The following NREP variants were observed in gnomAD, a reference collection of about 807,000 sequenced individuals.
The protein encoded by NREP is neuronal regeneration related protein.
In NREP, 5 loss-of-function variants were observed where a neutral mutation model predicts 8.6. The ratio of observed to expected loss-of-function variants is 0.58; its 90% CI spans 0.30 to 1.22. NREP has a LOEUF of 1.22. NREP is among the 50% of genes most tolerant of loss of function. The pLI is 0.07. For synonymous variants in NREP, 27 were observed against 28.0 expected (o/e 0.96, Z 0.11); for missense variants, 86 against 82.5 (o/e 1.04, Z -0.17).
intron 2 of NREP, among the ~76,000 whole-genome samples, chr5:111,804,282 G>C (rs944973044): frequency 1.3e-5 from 2 of 152,182 alleles, no homozygotes; most frequent in Admixed American, 6.5e-5. Context: ...TGGAGGAATA[G>C]ATAGACTTTT....
At chr5:111,880,062 G>A (rs1175541855) in intron 2 of NREP, among the ~76,000 whole-genome samples, 1 of 152,154 alleles carries the variant, frequency 6.6e-6, no homozygotes. Context: ...AGAGGAATCT[G>A]AGCAAATTGG....
intron 2 of NREP, among the ~76,000 whole-genome samples, chr5:111,820,147 C>A (rs1487877896): frequency 6.6e-6 from 1 of 152,016 alleles, no homozygotes; most frequent in Non-Finnish European, 1.5e-5. Context: ...ATCTGATCAC[C>A]CTGACCGTCA....
upstream of NREP, among the ~76,000 whole-genome samples, chr5:111,759,769 C>A (rs890864976): frequency 6.6e-6 from 1 of 152,176 alleles, no homozygotes; most frequent in African/African-American, 2.4e-5. Context: ...CTCACTCAAA[C>A]TGTAGCTATA....
intron 2 of NREP, among the ~76,000 whole-genome samples, chr5:111,972,815 C>A (rs1480818198): frequency 6.6e-6 from 1 of 152,248 alleles, no homozygotes; most frequent in Non-Finnish European, 1.5e-5. Context: ...GTCAGATGCT[C>A]ATTGTGTGCC....
intron 2 of NREP, among the ~76,000 whole-genome samples, chr5:111,825,725 G>C (rs1752607127): frequency 6.6e-6 from 1 of 152,108 alleles, no homozygotes; most frequent in African/African-American, 2.4e-5. Context: ...TTAGCCCTGA[G>C]CATGCTTAGG....
chr5:111,939,290 G>C (rs1308791681), intron 2 of NREP, among the ~76,000 whole-genome samples: 1 of 152,030 alleles, frequency 6.6e-6, no homozygotes, highest in African/African-American at 2.4e-5. Flanking sequence ...CAGAGATTCT[G>C]ATCCTGTCTC....
intron 2 of NREP, among the ~76,000 whole-genome samples, chr5:111,959,092 G>A (rs1258342293): frequency 1.3e-5 from 2 of 151,868 alleles, no homozygotes; most frequent in Non-Finnish European, 2.9e-5. Flanking sequence ...AATCAAAACT[G>A]CAAACCTATT....
chr5:111,743,595 T>C (rs1749818285), intron 2 of NREP, among the ~76,000 whole-genome samples: 1 of 152,166 alleles, frequency 6.6e-6, no homozygotes, highest in Non-Finnish European at 1.5e-5. Flanking sequence ...ATACTAATTC[T>C]ATATTATGCC....
intron 2 of NREP, among the ~76,000 whole-genome samples, chr5:111,917,832 C>G (rs1014946535): frequency 2.0e-5 from 3 of 152,122 alleles, no homozygotes; most frequent in Admixed American, 2.0e-4. Flanking sequence ...CACTCCTATT[C>G]AACATTGTAT....
At chr5:111,791,297 C>G (rs1751740322) in intron 2 of NREP, among the ~76,000 whole-genome samples, 1 of 152,118 alleles carries the variant, frequency 6.6e-6, no homozygotes, top group Non-Finnish European at 1.5e-5. Flanking sequence ...CCACATTGTA[C>G]AAGAGATTCC....
intron 2 of NREP, among the ~76,000 whole-genome samples, chr5:111,970,116 A>T (rs1462417159): frequency 1.3e-5 from 2 of 152,224 alleles, no homozygotes; most frequent in African/African-American, 4.8e-5. Context: ...TGTGTACAAC[A>T]TGGATTTGCT....
intron 2 of NREP, among the ~76,000 whole-genome samples, chr5:111,842,405 T>C (rs1487207989): frequency 6.6e-6 from 1 of 152,150 alleles, no homozygotes; most frequent in Non-Finnish European, 1.5e-5. Context: ...GGGATTTATA[T>C]AAATATTTTA....
In NREP at chr5:111,730,148, CA is replaced by C. The variant is rs1280584393; in HGVS notation, c.*772del. ...TGACTGCATGTCCGTGAGCGCCAGCCAACGAGACAATGGTCTCTCACACTCT... is the reference window on the plus strand; with the variant it reads ...TGACTGCATGTCCGTGAGCGCCAGCCACGAGACAATGGTCTCTCACACTCT... On this transcript the variant is annotated 3_prime_UTR_variant, in exon 4 of 4. Transcript: ENST00000257435. The C allele has an allele frequency of 6.6e-6, 1 of 152,484 alleles. No homozygotes were observed. Among genetic ancestry groups the C allele is most frequent in the Non-Finnish European group, 1.5e-5 (1 of 68,034 alleles). The allele number at this position is 152,484 out of a possible 1,614,324, so 9.4% of individuals were successfully genotyped here.
intron 2 of NREP, among the ~76,000 whole-genome samples, chr5:111,791,404 C>T (rs958070049): frequency 6.6e-6 from 1 of 152,178 alleles, no homozygotes; most frequent in Non-Finnish European, 1.5e-5. Flanking sequence ...AATCAACTCT[C>T]CGCTTCTGTA....
At chr5:111,857,507 A>G (rs139546900) in intron 2 of NREP, among the ~76,000 whole-genome samples, 11 of 152,310 alleles carry the variant, frequency 7.2e-5, no homozygotes, top group Non-Finnish European at 1.6e-4. Context: ...AAACTCTAGT[A>G]GTCTTAAGCT....
At chr5:111,777,343 G>T (rs892792881) in intron 2 of NREP, among the ~76,000 whole-genome samples, 3 of 147,854 alleles carry the variant, frequency 2.0e-5, no homozygotes, top group Admixed American at 6.7e-5. Flanking sequence ...GTGTGGTGTG[G>T]GTGTGTGTGT....
intron 2 of NREP, among the ~76,000 whole-genome samples, chr5:111,779,044 C>G (rs201298846): frequency 6.8e-6 from 1 of 148,102 alleles, no homozygotes; most frequent in Non-Finnish European, 1.5e-5. Flanking sequence ...CCCTACTTAA[C>G]ATATATACCC....
chr5:111,763,266 G>C (rs1430419405), intron 2 of NREP, among the ~76,000 whole-genome samples: 2 of 152,176 alleles, frequency 1.3e-5, no homozygotes, highest in Non-Finnish European at 2.9e-5. Context: ...TGGGGATGCT[G>C]ACAATGAGAG....
intron 2 of NREP, among the ~76,000 whole-genome samples, chr5:111,825,456 T>C (rs1752600217): frequency 6.6e-6 from 1 of 152,220 alleles, no homozygotes; most frequent in Non-Finnish European, 1.5e-5. Flanking sequence ...TTTTGTTTAC[T>C]GTCTCTCTTT....
Sources: gnomAD v4.1 joint callset for allele counts (sites outside exome capture counted in the v4.1 genomes callset) on GRCh38, gnomAD v4.1.1 for gene constraint, MANE v1.5 for transcripts, NCBI Gene and HGNC (gene_info 2026-07-23, HGNC 2026-07-21) for gene names.